The following MAGI2 variants were observed in gnomAD, a reference collection of about 807,000 sequenced individuals.
MAGI2 encodes membrane-associated guanylate kinase, WW and PDZ domain-containing protein 2.
MAGI2 carries 35 observed loss-of-function variants against 133.3 expected under a neutral mutation model. The observed-to-expected ratio is 0.26, with a 90% CI of 0.20 to 0.35. MAGI2 has a LOEUF of 0.35. Ranked by LOEUF, MAGI2 falls within the 10% of genes least tolerant of loss-of-function variation. The pLI is 1.00. For synonymous variants in MAGI2, 729 were observed against 710.6 expected (o/e 1.03, Z -0.41); for missense variants, 1,636 against 1,863.4 (o/e 0.88, Z 2.25).
chr7:78,085,827 G>A (rs1266631124), intron 20 of MAGI2, among the ~76,000 whole-genome samples: 1 of 144,544 alleles, frequency 6.9e-6, no homozygotes, highest in Non-Finnish European at 1.5e-5. Context: ...GCCTTCTTTG[G>A]TGTTGTTATT....
chr7:78,131,036 A>G (rs1821507818), intron 18 of MAGI2, among the ~76,000 whole-genome samples: 1 of 152,220 alleles, frequency 6.6e-6, no homozygotes, highest in Non-Finnish European at 1.5e-5. Flanking sequence ...TGACTCTGGA[A>G]AGGAGAATGG....
intron 3 of MAGI2, among the ~76,000 whole-genome samples, chr7:78,545,735 GTGTAGAACA>G (rs1798778546): frequency 6.6e-6 from 1 of 152,134 alleles, no homozygotes; most frequent in African/African-American, 2.4e-5. Flanking sequence ...AAATGAGTTT[GTGTAGAACA>G]TATTGATATT....
chr7:78,338,060 A>C (rs1168284283), intron 9 of MAGI2, among the ~76,000 whole-genome samples: 1 of 152,170 alleles, frequency 6.6e-6, no homozygotes, highest in Non-Finnish European at 1.5e-5. Flanking sequence ...AAATTCTATG[A>C]GAATGGTTTT....
At chr7:78,074,205 T>C (rs1384809887) in intron 21 of MAGI2, among the ~76,000 whole-genome samples, 1 of 152,174 alleles carries the variant, frequency 6.6e-6, no homozygotes, top group Non-Finnish European at 1.5e-5. Context: ...AGATGACATA[T>C]TTGCGGCATG....
rs533223320 is a variant in MAGI2 at position 78,969,536 on chromosome 7, T to C, written c.418+37554A>G. ...GAAGCCGATTCACGTCTACAATATT[T>C]AGTTCACACCTCTAGTTCGATGACT... On this transcript the variant is annotated intron_variant, in intron 2 of 21. Coordinates refer to ENST00000354212, the MANE Select transcript of MAGI2 (RefSeq NM_012301.4). 9.2e-5 allele frequency among the ~76,000 whole-genome samples: 14 copies of C among 152,214 alleles called. No individual in the cohort carries two copies. The South Asian group carries it at 1.9e-3, about 20-fold the overall frequency.
intron 20 of MAGI2, among the ~76,000 whole-genome samples, chr7:78,109,076 G>A (rs937875901): frequency 4.6e-5 from 7 of 151,506 alleles, no homozygotes; most frequent in African/African-American, 1.5e-4. Context: ...AGGCCGAGGC[G>A]GGCGGATCAC....
chr7:78,057,981 A>G (rs56093533), intron 21 of MAGI2, among the ~76,000 whole-genome samples: 45,222 of 99,898 alleles, frequency 0.45, 9,570 homozygotes, highest in East Asian at 0.64. Flanking sequence ...ATATGTGTAT[A>G]TATATATATA....
chr7:78,664,029 A>G (rs1363457106), intron 2 of MAGI2, among the ~76,000 whole-genome samples: 1 of 152,212 alleles, frequency 6.6e-6, no homozygotes, highest in African/African-American at 2.4e-5. Context: ...GCATTTCAGG[A>G]ATTATATTTC....
chr7:78,680,675 AC>A (rs1585065793), intron 2 of MAGI2, among the ~76,000 whole-genome samples: 1 of 152,128 alleles, frequency 6.6e-6, no homozygotes, highest in African/African-American at 2.4e-5. Flanking sequence ...TTGATTTGTA[AC>A]CTATGCTGAG....
chr7:78,660,857 G>A (rs573850021), intron 2 of MAGI2, among the ~76,000 whole-genome samples: 1 of 152,178 alleles, frequency 6.6e-6, no homozygotes, highest in South Asian at 2.1e-4. Flanking sequence ...CCAATTGTCT[G>A]TTCATTCTTT....
At chr7:79,286,420 GT>G (rs1836003841) in intron 1 of MAGI2, among the ~76,000 whole-genome samples, 1 of 151,980 alleles carries the variant, frequency 6.6e-6, no homozygotes, top group African/African-American at 2.4e-5. Context: ...AAAGCCAGCA[GT>G]TTAACTCAGG....
intron 1 of MAGI2, among the ~76,000 whole-genome samples, chr7:79,164,510 A>T (rs1316999234): frequency 2.0e-5 from 3 of 151,924 alleles, no homozygotes; most frequent in Non-Finnish European, 4.4e-5. Flanking sequence ...TAGCACCTTT[A>T]AAAAGGGCTG....
chr7:79,113,195 G>A (rs1042512126), intron 1 of MAGI2, among the ~76,000 whole-genome samples: 2 of 152,144 alleles, frequency 1.3e-5, no homozygotes, highest in Non-Finnish European at 2.9e-5. Flanking sequence ...CCTCAGGGCT[G>A]TCATCCTTTT....
intron 2 of MAGI2, among the ~76,000 whole-genome samples, chr7:78,655,701 G>A (rs999777651): frequency 6.6e-6 from 1 of 152,062 alleles, no homozygotes; most frequent in Admixed American, 6.5e-5. Flanking sequence ...AAGAGGTTTG[G>A]CCGGGCGCAG....
intron 1 of MAGI2, among the ~76,000 whole-genome samples, chr7:79,164,107 T>A (rs1290556766): frequency 6.6e-6 from 1 of 152,008 alleles, no homozygotes; most frequent in Non-Finnish European, 1.5e-5. Context: ...CTGCTGCTGT[T>A]TATTGGCCTG....
chr7:78,213,839 T>C (rs1788007559), intron 10 of MAGI2, among the ~76,000 whole-genome samples: 1 of 152,240 alleles, frequency 6.6e-6, no homozygotes, highest in Admixed American at 6.5e-5. Context: ...GCTCAAACTC[T>C]GTCAAATTTA....
At chr7:78,670,327 T>C (rs1814216727) in intron 2 of MAGI2, among the ~76,000 whole-genome samples, 1 of 152,052 alleles carries the variant, frequency 6.6e-6, no homozygotes, top group South Asian at 2.1e-4. Flanking sequence ...CACAATTGCT[T>C]CAAAGAGAAT....
chr7:79,057,929 A>G (rs1312999076), intron 1 of MAGI2, among the ~76,000 whole-genome samples: 5 of 151,342 alleles, frequency 3.3e-5, no homozygotes, highest in Non-Finnish European at 7.4e-5. Flanking sequence ...TAACTATACA[A>G]ATTGTTCCTG....
At chr7:78,389,128 A>G (rs542693730) in intron 6 of MAGI2, among the ~76,000 whole-genome samples, 2 of 152,346 alleles carry the variant, frequency 1.3e-5, no homozygotes, top group South Asian at 2.1e-4. Flanking sequence ...CATGAAAGCT[A>G]CTTTATCAGT....
Sources: allele counts gnomAD v4.1 joint callset (sites outside exome capture counted in the v4.1 genomes callset), GRCh38; gene constraint gnomAD v4.1.1; transcripts MANE v1.5; gene names NCBI Gene and HGNC (gene_info 2026-07-23, HGNC 2026-07-21).